ARHGAP25: variants seen among roughly 807,000 people sequenced by gnomAD.
ARHGAP25 encodes rho GTPase-activating protein 25.
In ARHGAP25, 34 loss-of-function variants were observed where a neutral mutation model predicts 71.0. That is an observed-to-expected ratio of 0.48 (90% CI 0.36 to 0.64). ARHGAP25 has a LOEUF of 0.64. ARHGAP25 is among the 30% of genes least tolerant of loss of function. The pLI, the probability that ARHGAP25 is intolerant of heterozygous loss-of-function variation, is 0.00. For synonymous variants in ARHGAP25, 282 were observed against 296.5 expected (o/e 0.95, Z 0.50); for missense variants, 706 against 805.1 (o/e 0.88, Z 1.49).
chr2:68,750,573 G>A (rs979650314), intron 1 of ARHGAP25, among the ~76,000 whole-genome samples: 6 of 152,036 alleles, frequency 3.9e-5, no homozygotes, highest in East Asian at 1.9e-4. Flanking sequence ...CTCCCGCCTC[G>A]GCCTCCCAAA....
At position 68,826,544 on chromosome 2, in the gene ARHGAP25, T is replaced by G; in HGVS notation, c.*350T>G. 2.6e-6 allele frequency: 1 copy of G among 377,618 alleles called. No individual in the cohort carries two copies. The highest frequency in any genetic ancestry group is 2.1e-5 in the South Asian group (1 of 47,164). 23.4% of individuals were successfully genotyped at this position (377,618 alleles called of 1,614,324 possible). Reference sequence around the variant, plus strand: ...GCTGGACTAAGGTGTGATTAATTCTTTGTTTTTTGTGTGGAACAGCTCACC... The same window carrying G: ...GCTGGACTAAGGTGTGATTAATTCTGTGTTTTTTGTGTGGAACAGCTCACC... On this transcript the variant is annotated 3_prime_UTR_variant, in exon 11 of 11. Transcript: ENST00000409202.
chr2:68,781,284 A>G (rs1169114218), intron 2 of ARHGAP25, among the ~76,000 whole-genome samples: 3 of 152,166 alleles, frequency 2.0e-5, no homozygotes. Flanking sequence ...CAGATACTCA[A>G]GAGGCTGAGA....
chr2:68,727,709 G>A (rs775222056), intron 2 of ARHGAP25, among the ~76,000 whole-genome samples: 6 of 152,218 alleles, frequency 3.9e-5, no homozygotes, highest in East Asian at 1.9e-4. Context: ...ATGCTCATCC[G>A]TGAGGCAGCT....
At chr2:68,811,347 T>C (rs540451814) in intron 5 of ARHGAP25, among the ~76,000 whole-genome samples, 29 of 152,160 alleles carry the variant, frequency 1.9e-4, no homozygotes, top group Non-Finnish European at 3.1e-4. Flanking sequence ...GTAGGGACTT[T>C]AGGAAGATGC....
At chr2:68,743,209 C>T (rs79122609) in intron 1 of ARHGAP25, among the ~76,000 whole-genome samples, 18,422 of 152,108 alleles carry the variant, frequency 0.12, 1,397 homozygotes, top group East Asian at 0.25. Context: ...TTAGTGCTTC[C>T]TCCTCCAGAG....
At chr2:68,770,766 G>T (rs1441449122) in intron 1 of ARHGAP25, among the ~76,000 whole-genome samples, 1 of 152,148 alleles carries the variant, frequency 6.6e-6, no homozygotes, top group Non-Finnish European at 1.5e-5. Flanking sequence ...CCCTTGCTCA[G>T]GAATATGAAA....
chr2:68,805,827 G>A (rs1418576347), intron 4 of ARHGAP25, among the ~76,000 whole-genome samples: 4 of 152,174 alleles, frequency 2.6e-5, no homozygotes, highest in Non-Finnish European at 2.9e-5. Flanking sequence ...CTTTGCAAAC[G>A]GATGTCCTAG....
At chr2:68,718,895 T>C (rs1674685247) in intron 2 of ARHGAP25, among the ~76,000 whole-genome samples, 1 of 152,192 alleles carries the variant, frequency 6.6e-6, no homozygotes, top group African/African-American at 2.4e-5. Context: ...CTTAGCACTT[T>C]TAATTCCCAA....
intron 10 of ARHGAP25, 28 bp from the exon 11 acceptor site, chr2:68,825,955 ATTCT>A: frequency 6.4e-7 from 1 of 1,573,034 alleles, no homozygotes; most frequent in Non-Finnish European, 8.7e-7. Flanking sequence ...TGAATGCCAC[ATTCT>A]TTCATTCTTT....
intron 1 of ARHGAP25, among the ~76,000 whole-genome samples, chr2:68,774,352 TG>T (rs1223610397): frequency 6.6e-6 from 1 of 151,960 alleles, no homozygotes; most frequent in Non-Finnish European, 1.5e-5. Context: ...GGAGACAAGA[TG>T]TGGAGGTACA....
chr2:68,734,393 A>G (rs528786730), upstream of ARHGAP25, among the ~76,000 whole-genome samples: 1 of 152,300 alleles, frequency 6.6e-6, no homozygotes, highest in South Asian at 2.1e-4. Context: ...CATTAAGCCA[A>G]ATACATCAAA....
intron 1 of ARHGAP25, among the ~76,000 whole-genome samples, chr2:68,737,099 A>G (rs1675263109): frequency 2.0e-5 from 3 of 152,222 alleles, no homozygotes; most frequent in African/African-American, 7.2e-5. Context: ...AGCCCTTGTC[A>G]TTATCCATGC....
At chr2:68,800,843 GT>G (rs576784784) in intron 4 of ARHGAP25, among the ~76,000 whole-genome samples, 124 of 152,044 alleles carry the variant, frequency 8.2e-4, no homozygotes, top group Non-Finnish European at 1.5e-3. Flanking sequence ...AATTACATTG[GT>G]TAATAGTTAT....
chr2:68,772,743 G>C (rs1677569050), intron 1 of ARHGAP25, among the ~76,000 whole-genome samples: 1 of 152,154 alleles, frequency 6.6e-6, no homozygotes, highest in African/African-American at 2.4e-5. Flanking sequence ...CACAGCCTTA[G>C]AGCAAGTGAT....
At chr2:68,735,636 G>A in intron 1 of ARHGAP25, 1 of 223,328 alleles carries the variant, frequency 4.5e-6, no homozygotes, top group Admixed American at 5.5e-5. Flanking sequence ...GTCTTTTGAA[G>A]TGCTCAATCT....
chr2:68,823,749 A>C (rs1326222181), intron 10 of ARHGAP25, among the ~76,000 whole-genome samples: 1 of 152,204 alleles, frequency 6.6e-6, no homozygotes, highest in Non-Finnish European at 1.5e-5. Context: ...CTGGCTTCCC[A>C]TTGAGCACCG....
chr2:68,782,556 T>G (rs1360694411), intron 3 of ARHGAP25, among the ~76,000 whole-genome samples: 2 of 152,236 alleles, frequency 1.3e-5, no homozygotes, highest in African/African-American at 4.8e-5. Flanking sequence ...TGTTCAACTC[T>G]GTAAGCATTT....
intron 1 of ARHGAP25, among the ~76,000 whole-genome samples, chr2:68,758,194 T>C (rs773015624): frequency 1.3e-5 from 2 of 151,910 alleles, no homozygotes; most frequent in Non-Finnish European, 2.9e-5. Flanking sequence ...ATGCAGGGAA[T>C]GGAGGACAAA....
Position 68,816,371 on chromosome 2 carries a change from C to G in ARHGAP25, c.881+9C>G, listed in dbSNP as rs369267128. On this transcript the variant is annotated intron_variant, in intron 7 of 10. Coordinates refer to ENST00000409202, the MANE Select transcript of ARHGAP25 (RefSeq NM_001007231.3). ...CTGAGCTACATCTGCAGGTGAGAGG[C>G]CCCTGGTATCAACTCTGCAGTTTTC... 16 of 1,605,160 alleles carry G rather than the reference C, an allele frequency of 1.0e-5. No individual in the cohort carries two copies. Among genetic ancestry groups the G allele is most frequent in the African/African-American group, 1.3e-5 (1 of 74,694 alleles).
Sources: gnomAD v4.1 joint callset for allele counts (sites outside exome capture counted in the v4.1 genomes callset) on GRCh38, gnomAD v4.1.1 for gene constraint, MANE v1.5 for transcripts, NCBI Gene and HGNC (gene_info 2026-07-23, HGNC 2026-07-21) for gene names.